The following CSMD1 variants were observed in gnomAD, a reference collection of about 807,000 sequenced individuals.
CSMD1 encodes the protein CUB and sushi domain-containing protein 1.
Under a neutral mutation model 417.5 loss-of-function variants are expected in CSMD1, and 213 were observed. The observed-to-expected ratio is 0.51, with a 90% confidence interval of 0.46 to 0.57. The LOEUF (loss-of-function observed/expected upper bound fraction) is 0.57, where lower values mean the gene tolerates loss of function less well. Ranked by LOEUF, CSMD1 falls within the 20% of genes least tolerant of loss-of-function variation. The pLI is 0.00. For synonymous variants in CSMD1, 2,862 were observed against 1,736.8 expected, an observed-to-expected ratio of 1.65 and a Z score of -16.11; for missense variants, 6,923 against 4,529.7, an observed-to-expected ratio of 1.53 and a Z score of -15.17.
chr8:4,228,477 C>G (rs1396904605), intron 3 of CSMD1, among the ~76,000 whole-genome samples: 4 of 152,080 alleles, frequency 2.6e-5, no homozygotes, highest in African/African-American at 9.7e-5. Flanking sequence ...ACAGCTTCCA[C>G]TGTATCCTCC....
At chr8:3,563,466 GACC>G (rs930766537) in intron 10 of CSMD1, among the ~76,000 whole-genome samples, 57 of 119,978 alleles carry the variant, frequency 4.8e-4, no homozygotes, top group Middle Eastern at 6.8e-3. Flanking sequence ...AAAAAAAAAG[GACC>G]ACATCTAAGA....
intron 26 of CSMD1, among the ~76,000 whole-genome samples, chr8:3,272,786 C>T (rs1234953923): frequency 1.3e-5 from 2 of 149,546 alleles, no homozygotes; most frequent in African/African-American, 5.0e-5. Context: ...GATTTTGTAT[C>T]CTGAGACTTT....
intron 3 of CSMD1, among the ~76,000 whole-genome samples, chr8:4,268,563 G>A (rs533677789): frequency 2.6e-5 from 4 of 152,110 alleles, no homozygotes; most frequent in African/African-American, 9.7e-5. Context: ...TGAAAGATTA[G>A]AGATGAATAT....
At chr8:3,767,923 T>C (rs1303586896) in intron 5 of CSMD1, among the ~76,000 whole-genome samples, 1 of 152,194 alleles carries the variant, frequency 6.6e-6, no homozygotes, top group Non-Finnish European at 1.5e-5. Context: ...CTTAGCTTTT[T>C]TCCACTTTAC....
chr8:3,620,611 G>C (rs955918600), intron 7 of CSMD1, among the ~76,000 whole-genome samples: 1 of 152,012 alleles, frequency 6.6e-6, no homozygotes, highest in Admixed American at 6.6e-5. Context: ...ATCATTGTAG[G>C]ATGTTATATG....
intron 3 of CSMD1, among the ~76,000 whole-genome samples, chr8:4,323,425 G>C (rs1424509990): frequency 6.6e-6 from 1 of 152,078 alleles, no homozygotes; most frequent in Non-Finnish European, 1.5e-5. Context: ...TTCTTCACAG[G>C]TCACCCCATT....
At chr8:4,528,423 C>G (rs1796629158) in intron 2 of CSMD1, among the ~76,000 whole-genome samples, 1 of 152,134 alleles carries the variant, frequency 6.6e-6, no homozygotes, top group Non-Finnish European at 1.5e-5. Context: ...CACATGTGGA[C>G]TTTTACCATA....
In CSMD1 at chr8:3,142,760, G is replaced by A. The variant is rs982672392; in HGVS notation, c.6032-86C>T. 3 of 1,110,028 alleles carry A rather than the reference G, an allele frequency of 2.7e-6. No individual in the cohort carries two copies. The Admixed American group carries it at 5.2e-5, about 19-fold the overall frequency. 68.8% of individuals were successfully genotyped at this position (1,110,028 alleles called of 1,614,324 possible). On this transcript the variant is annotated intron_variant, in intron 40 of 69. Coordinates refer to ENST00000635120, the MANE Select transcript of CSMD1 (RefSeq NM_033225.6). ...ATAAAAAGGGACTGAAGTGTTAGCA[G>A]TCTCCCCAGACAATCCCTCTCTGTG... is the stretch of plus-strand genomic sequence containing the variant.
chr8:3,159,216 T>C (rs1819729042), intron 38 of CSMD1, among the ~76,000 whole-genome samples: 1 of 152,184 alleles, frequency 6.6e-6, no homozygotes, highest in South Asian at 2.1e-4. Context: ...AATAAAATGG[T>C]CATTTATTAC....
chr8:4,114,017 A>G (rs1802000728), intron 3 of CSMD1, among the ~76,000 whole-genome samples: 1 of 152,360 alleles, frequency 6.6e-6, no homozygotes, highest in South Asian at 2.1e-4. Flanking sequence ...CACGTTCTCC[A>G]GAACATCTAA....
chr8:4,217,525 G>C (rs1230282571), intron 3 of CSMD1, among the ~76,000 whole-genome samples: 4 of 152,160 alleles, frequency 2.6e-5, no homozygotes, highest in Non-Finnish European at 5.9e-5. Flanking sequence ...GGAGAAGGTG[G>C]TGGTGGAAGT....
intron 5 of CSMD1, among the ~76,000 whole-genome samples, chr8:3,984,706 TATATATATA>T (rs1563284799): frequency 5.9e-4 from 28 of 47,272 alleles, no homozygotes; most frequent in African/African-American, 1.1e-3. Context: ...GTATATATCA[TATATATATA>T]TATATATATA....
At chr8:4,736,082 AT>A (rs1239519254) in intron 1 of CSMD1, among the ~76,000 whole-genome samples, 3 of 152,050 alleles carry the variant, frequency 2.0e-5, no homozygotes, top group Non-Finnish European at 4.4e-5. Flanking sequence ...AATATGCCTG[AT>A]TTTCATTGGA....
intron 10 of CSMD1, among the ~76,000 whole-genome samples, chr8:3,494,683 C>A (rs777545919): frequency 1.1e-5 from 1 of 90,146 alleles, no homozygotes; most frequent in African/African-American, 3.6e-5. Context: ...TACACAGATA[C>A]ATGAATATAT....
chr8:4,986,598 G>T (rs901108684), intron 1 of CSMD1, among the ~76,000 whole-genome samples: 3 of 151,502 alleles, frequency 2.0e-5, no homozygotes, highest in African/African-American at 7.3e-5. Context: ...AACAGTAAAA[G>T]AAAAAAAATA....
At chr8:3,635,483 CTT>C (rs562990317) in intron 7 of CSMD1, among the ~76,000 whole-genome samples, 9 of 125,872 alleles carry the variant, frequency 7.2e-5, no homozygotes, top group East Asian at 2.4e-4. Context: ...GACTCCATCT[CTT>C]TTTTTTTTTT....
intron 2 of CSMD1, among the ~76,000 whole-genome samples, chr8:4,531,374 T>C (rs1796810604): frequency 6.6e-6 from 1 of 152,192 alleles, no homozygotes; most frequent in Non-Finnish European, 1.5e-5. Flanking sequence ...TCTTGGGTAT[T>C]GGAAAAAGTC....
intron 3 of CSMD1, among the ~76,000 whole-genome samples, chr8:4,361,053 G>A (rs562803364): frequency 1.3e-5 from 2 of 152,212 alleles, no homozygotes; most frequent in African/African-American, 4.8e-5. Context: ...AAGAAAAACT[G>A]GATTTTTCGT....
chr8:3,377,738 T>C (rs1036675680), intron 18 of CSMD1, among the ~76,000 whole-genome samples: 21 of 152,056 alleles, frequency 1.4e-4, no homozygotes, highest in Admixed American at 2.0e-4. Flanking sequence ...TGGGAAATCC[T>C]ACCCAAAACG....
Sources: gnomAD v4.1 joint callset for allele counts (sites outside exome capture counted in the v4.1 genomes callset) on GRCh38, gnomAD v4.1.1 for gene constraint, MANE v1.5 for transcripts, NCBI Gene and HGNC (gene_info 2026-07-23, HGNC 2026-07-21) for gene names.